Variants in SEC63 observed in about 807,000 individuals in gnomAD.
SEC63 encodes the protein translocation protein SEC63 homolog.
SEC63 carries 56 observed loss-of-function variants against 116.2 expected under a neutral mutation model. The observed-to-expected ratio is 0.48, with a 90% CI of 0.39 to 0.60. The LOEUF (loss-of-function observed/expected upper bound fraction) is 0.60. SEC63 is among the 20% of genes least tolerant of loss of function. SEC63 has a pLI of 0.00. For missense variants in SEC63, 668 were observed against 900.0 expected (o/e 0.74, Z 3.30); for synonymous variants, 273 against 294.6 (o/e 0.93, Z 0.75).
At chr6:107,883,195 A>AT (rs1562314790) in intron 16 of SEC63, 49 bp from the exon 17 acceptor site, 1 of 1,604,994 alleles carries the variant, frequency 6.2e-7, no homozygotes, top group Non-Finnish European at 8.5e-7. Flanking sequence ...CAATGAGAAC[A>AT]TATCAATCTG....
rs371163472 is a variant in SEC63, at chr6:107,913,628, G to A, written c.453-201C>T. ...ATTAACAGAAAATGCTAACTATTGC[G>A]TCTTGATACTAATTCCTGGTTGGCC... On this transcript the variant is annotated intron_variant, in intron 4 of 20. Coordinates refer to ENST00000369002, the MANE Select transcript of SEC63 (RefSeq NM_007214.5). Among the ~76,000 whole-genome samples the A allele has an allele frequency of 5.0e-4, 76 of 152,250 alleles. 1 individual carries two copies. The South Asian group carries it at 0.014, about 29-fold the overall frequency.
chr6:107,941,555 GA>G (rs1365266458), intron 1 of SEC63, among the ~76,000 whole-genome samples: 2 of 151,778 alleles, frequency 1.3e-5, no homozygotes, highest in African/African-American at 4.8e-5. Flanking sequence ...TACAGTGGAA[GA>G]AAAAAATCCA....
intron 16 of SEC63, among the ~76,000 whole-genome samples, chr6:107,884,540 T>C (rs972960808): frequency 1.1e-4 from 17 of 152,032 alleles, no homozygotes; most frequent in South Asian, 4.1e-4. Context: ...ATGCAGAATA[T>C]ATATTAAAGA....
chr6:107,952,746 A>G (rs959757220), intron 1 of SEC63, among the ~76,000 whole-genome samples: 6 of 152,162 alleles, frequency 3.9e-5, no homozygotes, highest in African/African-American at 1.4e-4. Context: ...CAACAGAGCG[A>G]GACTTCATGC....
chr6:107,881,194 G>A lies in SEC63; in HGVS notation c.1890C>T (p.Thr630=). ...ACACAGGATGTGTTATTTTTGATTT[G>A]GTTTCCAATAGAGCTCTCTCTTTTC... ...IQRKERALLE[T]KSKITHPVYS... The change falls in exon 18 of 21, where the codon ACC becomes ACT. Residue 630 remains threonine (T), a synonymous_variant. Transcript: ENST00000369002. 6.2e-7 allele frequency: 1 copy of A among 1,612,904 alleles called. No individual in the cohort carries two copies. The highest frequency in any genetic ancestry group is 1.1e-5 in the South Asian group (1 of 91,026).
intron 19 of SEC63, among the ~76,000 whole-genome samples, chr6:107,874,742 C>G (rs911893401): frequency 2.0e-5 from 3 of 152,076 alleles, no homozygotes; most frequent in Non-Finnish European, 4.4e-5. Context: ...GGGGCATGAT[C>G]ATGGCTCATT....
At chr6:107,942,803 A>G (rs191019030) in intron 1 of SEC63, among the ~76,000 whole-genome samples, 1 of 152,326 alleles carries the variant, frequency 6.6e-6, no homozygotes, top group Admixed American at 6.5e-5. Flanking sequence ...TAGAAAAAAG[A>G]CAATGTTAAG....
At chr6:107,926,660 C>G (rs1434810922) in intron 2 of SEC63, among the ~76,000 whole-genome samples, 1 of 152,172 alleles carries the variant, frequency 6.6e-6, no homozygotes, top group African/African-American at 2.4e-5. Flanking sequence ...AATTAACTCC[C>G]CTTTTGTTTT....
chr6:107,923,184 C>T (rs577266220), intron 3 of SEC63, among the ~76,000 whole-genome samples: 3 of 152,200 alleles, frequency 2.0e-5, no homozygotes, highest in East Asian at 3.9e-4. Flanking sequence ...TGCTCTGTCG[C>T]CCAGGCTGGA....
chr6:107,921,831 C>G lies in SEC63; in HGVS notation c.418G>C (p.Val140Leu). The G allele has an allele frequency of 6.2e-7, 1 of 1,611,068 alleles. No homozygotes were observed. The highest frequency in any genetic ancestry group is 8.5e-7 in the Non-Finnish European group (1 of 1,177,648). The stretch of plus-strand genomic sequence containing the variant: ...GCTTTTGCTATCCTCATGAACATAA[C>G]CTCATCACCTCCTTTATCTGGATGA... ...KYHPDKGGDE[V>L]MFMRIAKAYA... The change falls in exon 4 of 21, where the codon GTT becomes CTT. Residue 140 changes from valine to leucine, a missense_variant. By Grantham distance (32) the Val-to-Leu change is conservative (BLOSUM62 1). Transcript: ENST00000369002.
chr6:107,912,366 G>A (rs765096872), intron 6 of SEC63, among the ~76,000 whole-genome samples: 70 of 152,278 alleles, frequency 4.6e-4, no homozygotes, highest in Admixed American at 9.1e-4. Context: ...CTTGAGGTCA[G>A]GAGTTTGAGA....
intron 19 of SEC63, among the ~76,000 whole-genome samples, chr6:107,874,532 C>T (rs942252150): frequency 4.9e-5 from 7 of 144,174 alleles, no homozygotes; most frequent in African/African-American, 1.8e-4. Context: ...GGAGGCGGAG[C>T]TTGCAGTGAG....
chr6:107,909,307 G>C (rs1787223327), intron 7 of SEC63: 7 of 388,322 alleles, frequency 1.8e-5, no homozygotes, highest in Admixed American at 1.1e-4. Context: ...GAGTCCAGGA[G>C]GTCAGGGCTG....
chr6:107,908,823 T>C lies in SEC63; in HGVS notation c.733+104A>G, dbSNP rs1583747624. On this transcript the variant is annotated intron_variant, in intron 8 of 20. Coordinates refer to ENST00000369002, the MANE Select transcript of SEC63 (RefSeq NM_007214.5). ...TATATAAATTAACTATTTATAAAAC[T>C]GTACAATAGAATCTCAACAGTATAG... 7.6e-6 allele frequency: 5 copies of C among 661,208 alleles called. No individual in the cohort carries two copies. In the East Asian group the frequency reaches 1.1e-4, roughly 15 times the overall value. 41.0% of individuals were successfully genotyped at this position (661,208 alleles called of 1,614,324 possible).
chr6:107,926,369 G>A (rs1787677426), intron 2 of SEC63, among the ~76,000 whole-genome samples: 1 of 152,056 alleles, frequency 6.6e-6, no homozygotes, highest in Non-Finnish European at 1.5e-5. Context: ...AGAACTGTTA[G>A]ACAAAGACAT....
At chr6:107,896,388 C>T (rs944820198) in intron 14 of SEC63, among the ~76,000 whole-genome samples, 1 of 152,098 alleles carries the variant, frequency 6.6e-6, no homozygotes, top group African/African-American at 2.4e-5. Flanking sequence ...ATCACTTGAA[C>T]CTGGGAGGCA....
intron 1 of SEC63, among the ~76,000 whole-genome samples, chr6:107,953,042 T>C (rs940427637): frequency 6.6e-6 from 1 of 152,066 alleles, no homozygotes; most frequent in Admixed American, 6.6e-5. Flanking sequence ...GGTGGATCAA[T>C]TGAGGTCAGA....
chr6:107,944,777 G>A (rs776046914), intron 1 of SEC63, among the ~76,000 whole-genome samples: 3 of 152,212 alleles, frequency 2.0e-5, no homozygotes, highest in Admixed American at 1.3e-4. Flanking sequence ...CTAATCCTAA[G>A]CCTGTCACCC....
intron 11 of SEC63, among the ~76,000 whole-genome samples, chr6:107,903,738 T>C (rs1436371609): frequency 2.0e-5 from 3 of 152,202 alleles, no homozygotes; most frequent in African/African-American, 7.2e-5. Context: ...ATCACTTTTA[T>C]ATCAGTTAAA....
Sources: allele counts gnomAD v4.1 joint callset (sites outside exome capture counted in the v4.1 genomes callset), GRCh38; gene constraint gnomAD v4.1.1; transcripts MANE v1.5; gene names NCBI Gene and HGNC (gene_info 2026-07-23, HGNC 2026-07-21).